The following USP37 variants were observed in gnomAD, a reference collection of about 807,000 sequenced individuals.
The protein encoded by USP37 is ubiquitin specific peptidase 37, also known as ubiquitin carboxyl-terminal hydrolase 37.
A neutral mutation model predicts 124.0 loss-of-function variants in USP37; 27 were observed. The ratio of observed to expected loss-of-function variants is 0.22; its 90% CI spans 0.16 to 0.30. The LOEUF (loss-of-function observed/expected upper bound fraction) is 0.30. Ranked by LOEUF, USP37 falls within the 10% of genes least tolerant of loss-of-function variation. The probability of loss-of-function intolerance (pLI) is 1.00; values close to 1 mark genes in which losing one functional copy is unlikely to be tolerated. For missense variants in USP37, 889 were observed against 1,140.4 expected (o/e 0.78, Z 3.17); for synonymous variants, 365 against 388.0 (o/e 0.94, Z 0.70).
intron 11 of USP37, among the ~76,000 whole-genome samples, chr2:218,506,839 C>G (rs1334217425): frequency 6.6e-6 from 1 of 151,760 alleles, no homozygotes; most frequent in East Asian, 1.9e-4. Flanking sequence ...CTCTGTCGCC[C>G]AGGCTGGAGT....
chr2:218,476,350 G>T (rs1018421147), intron 19 of USP37, among the ~76,000 whole-genome samples: 1 of 151,244 alleles, frequency 6.6e-6, no homozygotes, highest in Non-Finnish European at 1.5e-5. Context: ...GAGGTGGTAG[G>T]ATCACCTGAG....
intron 20 of USP37, 125 bp downstream of exon 20, chr2:218,474,505 T>G (rs766282079): frequency 8.0e-6 from 11 of 1,376,698 alleles, no homozygotes; most frequent in Non-Finnish European, 1.1e-5. Flanking sequence ...GGGATTAGGG[T>G]CACACACCAC....
At chr2:218,555,681 A>T (rs1692928947) in intron 4 of USP37, among the ~76,000 whole-genome samples, 1 of 152,154 alleles carries the variant, frequency 6.6e-6, no homozygotes, top group Non-Finnish European at 1.5e-5. Context: ...GTAACTATTC[A>T]TATGGTAACG....
chr2:218,476,683 G>C (rs562562673), intron 19 of USP37, among the ~76,000 whole-genome samples, 157 bp downstream of exon 19: 2 of 152,236 alleles, frequency 1.3e-5, no homozygotes, highest in African/African-American at 2.4e-5. Flanking sequence ...CGAATTTCTC[G>C]TAAGTCTTGA....
intron 11 of USP37, among the ~76,000 whole-genome samples, chr2:218,505,544 T>C (rs752290356): frequency 6.6e-6 from 1 of 152,196 alleles, no homozygotes; most frequent in Non-Finnish European, 1.5e-5. Context: ...GCTTGCATAT[T>C]TGACATCTTG....
Position 218,547,853 on chromosome 2 carries a change from T to C in USP37, c.430-762A>G, listed in dbSNP as rs142008478. On this transcript the variant is annotated intron_variant, in intron 6 of 25. Coordinates refer to ENST00000258399, the MANE Select transcript of USP37 (RefSeq NM_020935.3). ...AATCAAAGAGTCTACCCTTAAGACA[T>C]GGCAAGAACACTCAAAGAGAATATG... Among the ~76,000 whole-genome samples the C allele has an allele frequency of 5.7e-3, 867 of 152,248 alleles. 15 individuals are homozygous for C. The highest frequency in any genetic ancestry group is 0.02 in the African/African-American group (821 of 41,546).
At chr2:218,455,113 A>C (rs1689622526) in intron 25 of USP37, 96 bp from the exon 26 acceptor site, 3 of 1,395,380 alleles carry the variant, frequency 2.1e-6, no homozygotes, top group Non-Finnish European at 3.0e-6. Flanking sequence ...GATATGGATA[A>C]GGCCTTCACA....
At chr2:218,514,058 A>G (rs975523663) in intron 10 of USP37, among the ~76,000 whole-genome samples, 5 of 152,124 alleles carry the variant, frequency 3.3e-5, no homozygotes, top group Non-Finnish European at 7.4e-5. Context: ...AGCTCAAGCA[A>G]TCTACCTGCC....
Position 218,485,675 on chromosome 2 carries a change from G to A in USP37, c.1659C>T (p.Asn553=). 1 of 1,564,252 alleles carries A rather than the reference G, an allele frequency of 6.4e-7. No individual in the cohort carries two copies. The highest frequency in any genetic ancestry group is 8.7e-7 in the Non-Finnish European group (1 of 1,155,674). The stretch of plus-strand genomic sequence containing the variant: ...AAAAAAAAAATTACCTAGGAAGCCT[G>A]TTAAATTTGTGCCTGACAAGAGCAC... ...GKCALVRHKF[N]RLPRVLILHL... is the part of the protein sequence containing the mutation. Residue 553 remains asparagine (N), a synonymous_variant, in exon 16 of 26, where the codon AAC becomes AAT. Transcript: ENST00000258399.
chr2:218,493,678 C>T (rs2105986260), intron 14 of USP37, among the ~76,000 whole-genome samples: 1 of 152,242 alleles, frequency 6.6e-6, no homozygotes, highest in Admixed American at 6.5e-5. Context: ...ACCATGTTGG[C>T]CAGGCTGGTC....
chr2:218,514,188 T>A (rs561593655), intron 10 of USP37: 5 of 152,242 alleles, frequency 3.3e-5, no homozygotes, highest in African/African-American at 1.2e-4. Context: ...TATTAGAATC[T>A]TATATAACCA....
chr2:218,468,996 C>T (rs1690525947), intron 20 of USP37, among the ~76,000 whole-genome samples: 1 of 152,134 alleles, frequency 6.6e-6, no homozygotes, highest in African/African-American at 2.4e-5. Flanking sequence ...CGCCCGGCTC[C>T]TAATACTGTA....
In USP37 at chr2:218,485,672, C is replaced by G; in HGVS notation, c.1662G>C (p.Arg554Ser). The G allele has an allele frequency of 6.4e-7, 1 of 1,574,538 alleles. No homozygotes were observed. Among genetic ancestry groups the G allele is most frequent in the South Asian group, 1.2e-5 (1 of 83,044 alleles). ...KCALVRHKFN[R>S]LPRVLILHLK... ...AAAAAAAAAAAAATTACCTAGGAAG[C>G]CTGTTAAATTTGTGCCTGACAAGAG... The change falls in exon 16 of 26, where the codon AGG (arginine) becomes AGC (serine). Residue 554 changes from arginine (R) to serine (S), a missense_variant. Physicochemically the swap from Arg to Ser is moderately radical, Grantham distance 110 (BLOSUM62 -1). Transcript: ENST00000258399.
chr2:218,563,262 T>C (rs2106064912), intron 1 of USP37, among the ~76,000 whole-genome samples: 1 of 151,974 alleles, frequency 6.6e-6, no homozygotes, highest in Non-Finnish European at 1.5e-5. Context: ...ATTTAAAATA[T>C]GATGCACAAC....
At chr2:218,547,583 C>CAAAAAAAAAAAAAA (rs58787835) in intron 6 of USP37, among the ~76,000 whole-genome samples, 1 of 71,610 alleles carries the variant, frequency 1.4e-5, no homozygotes, top group African/African-American at 4.3e-5. Context: ...AATTACTAAC[C>CAAAAAAAAAAAAAA]AAAAAAAAAA....
At chr2:218,463,422 T>C (rs1690135056) in intron 21 of USP37, 56 bp from the exon 22 acceptor site, 3 of 1,498,918 alleles carry the variant, frequency 2.0e-6, no homozygotes, top group Non-Finnish European at 2.8e-6. Flanking sequence ...TTAAACTTAC[T>C]TAATGAGGAT....
intron 20 of USP37, among the ~76,000 whole-genome samples, chr2:218,473,689 T>C (rs1377218063): frequency 6.6e-6 from 1 of 152,174 alleles, no homozygotes; most frequent in Non-Finnish European, 1.5e-5. Flanking sequence ...ACACCCACAG[T>C]ACAAGGCAGG....
intron 8 of USP37, among the ~76,000 whole-genome samples, chr2:218,542,822 C>G (rs1357426614): frequency 6.6e-6 from 1 of 152,120 alleles, no homozygotes; most frequent in Non-Finnish European, 1.5e-5. Context: ...TGTGCAAATA[C>G]CTTTGTGCAT....
intron 15 of USP37, among the ~76,000 whole-genome samples, chr2:218,487,090 GCT>G (rs1219394746): frequency 2.0e-4 from 30 of 152,022 alleles, no homozygotes; most frequent in Admixed American, 2.0e-3. Flanking sequence ...AACAAGGACC[GCT>G]ACTAGACAGA....
Sources: allele counts gnomAD v4.1 joint callset (sites outside exome capture counted in the v4.1 genomes callset), GRCh38; gene constraint gnomAD v4.1.1; transcripts MANE v1.5; gene names NCBI Gene and HGNC (gene_info 2026-07-23, HGNC 2026-07-21).